The following PARP11 variants were observed in gnomAD, a reference collection of about 807,000 sequenced individuals.
PARP11 encodes protein mono-ADP-ribosyltransferase PARP11.
PARP11 carries 31 observed loss-of-function variants against 42.9 expected under a neutral mutation model. The observed-to-expected ratio is 0.72, with a 90% CI of 0.54 to 0.98. PARP11 has a LOEUF of 0.98. Among genes scored for constraint, PARP11 ranks in the 50% least tolerant of loss-of-function variants. The pLI is 0.00. For synonymous variants in PARP11, 137 were observed against 127.3 expected (o/e 1.08, Z -0.51); for missense variants, 365 against 413.1 (o/e 0.88, Z 1.01).
intron 1 of PARP11, among the ~76,000 whole-genome samples, chr12:3,847,144 G>A (rs1948019298): frequency 6.6e-6 from 1 of 152,006 alleles, no homozygotes; most frequent in African/African-American, 2.4e-5. Context: ...TTAAACCTAA[G>A]CAAACCAACA....
chr12:3,842,845 A>G (rs1183255642), intron 1 of PARP11, among the ~76,000 whole-genome samples: 4 of 152,250 alleles, frequency 2.6e-5, no homozygotes, highest in East Asian at 1.9e-4. Flanking sequence ...TTATAAGTTT[A>G]TAAGTCTGAT....
At chr12:3,851,980 C>T (rs1049146098) in intron 1 of PARP11, among the ~76,000 whole-genome samples, 8 of 152,174 alleles carry the variant, frequency 5.3e-5, no homozygotes, top group African/African-American at 1.2e-4. Context: ...CGCTGGGATA[C>T]CCAGGCAAAC....
At chr12:3,841,568 C>G in intron 1 of PARP11, 1 of 1,608,690 alleles carries the variant, frequency 6.2e-7, no homozygotes, top group Non-Finnish European at 8.5e-7. Flanking sequence ...ATCCCTCCAT[C>G]TCAGGTGTCT....
chr12:3,815,045 C>A (rs1022634504), intron 6 of PARP11: 6 of 456,456 alleles, frequency 1.3e-5, no homozygotes, highest in Non-Finnish European at 2.6e-5. Context: ...GTAAACACTT[C>A]ACCTGTATCT....
At chr12:3,866,148 ATGAGC>A (rs1948384799) in intron 1 of PARP11, among the ~76,000 whole-genome samples, 1 of 152,160 alleles carries the variant, frequency 6.6e-6, no homozygotes, top group African/African-American at 2.4e-5. Context: ...AGGATGTCTA[ATGAGC>A]TTCACATTAC....
intron 6 of PARP11, among the ~76,000 whole-genome samples, chr12:3,820,512 C>A (rs1231757835): frequency 6.6e-6 from 1 of 152,096 alleles, no homozygotes; most frequent in African/African-American, 2.4e-5. Context: ...TAAAACTGTT[C>A]CCATTGGAAT....
Position 3,827,930 on chromosome 12 carries a change from C to G in PARP11, c.268+980G>C, listed in dbSNP as rs541483878. Among the ~76,000 whole-genome samples the G allele has an allele frequency of 3.3e-4, 51 of 152,330 alleles. No individual in the cohort carries two copies. In the South Asian group the frequency reaches 3.7e-3, roughly 11 times the overall value. ...TACTTTTATTAAGAAAGCCTCCCAT[C>G]CAGGTCTTGTTTGCCTCTAAGCAAT... On this transcript the variant is annotated intron_variant, in intron 3 of 7. Transcript: ENST00000228820.
chr12:3,846,944 G>A (rs1380928894), intron 1 of PARP11, among the ~76,000 whole-genome samples: 1 of 151,858 alleles, frequency 6.6e-6, no homozygotes, highest in Non-Finnish European at 1.5e-5. Flanking sequence ...AATTAGCTGG[G>A]CACGTGCCTG....
At chr12:3,814,259 T>A in intron 6 of PARP11, 71 bp from the exon 7 acceptor site, 1 of 1,263,436 alleles carries the variant, frequency 7.9e-7, no homozygotes, top group Admixed American at 2.6e-5. Flanking sequence ...TTAATCTTAA[T>A]GAGCAAGGTT....
At chr12:3,831,905 G>T (rs894919621) in intron 1 of PARP11, among the ~76,000 whole-genome samples, 6 of 152,040 alleles carry the variant, frequency 3.9e-5, no homozygotes, top group African/African-American at 1.4e-4. Flanking sequence ...GTGAGAAAGA[G>T]AGAAGGAAAG....
At chr12:3,868,178 G>A (rs1473653709) in intron 1 of PARP11, among the ~76,000 whole-genome samples, 3 of 151,974 alleles carry the variant, frequency 2.0e-5, no homozygotes, top group Non-Finnish European at 4.4e-5. Context: ...GTTTTATTGG[G>A]GGCCAGGCAC....
chr12:3,867,542 A>G (rs1157817082), intron 1 of PARP11, among the ~76,000 whole-genome samples: 1 of 152,184 alleles, frequency 6.6e-6, no homozygotes, highest in Non-Finnish European at 1.5e-5. Flanking sequence ...GCGTGAACCT[A>G]CTACTTCAGG....
At chr12:3,868,570 A>AAGG (rs2138136659) in intron 1 of PARP11, among the ~76,000 whole-genome samples, 1 of 152,298 alleles carries the variant, frequency 6.6e-6, no homozygotes, top group South Asian at 2.1e-4. Flanking sequence ...GGCACATTAA[A>AAGG]CATAGTGAGT....
At chr12:3,836,316 T>C (rs1165582331) in intron 1 of PARP11, among the ~76,000 whole-genome samples, 1 of 150,228 alleles carries the variant, frequency 6.7e-6, no homozygotes, top group African/African-American at 2.5e-5. Context: ...ATTCTCAAAA[T>C]ACATAAAGTA....
At position 3,873,376 on chromosome 12, in the gene PARP11, G is replaced by A. The variant is rs1948531889; in HGVS notation, c.-147C>T. Reference sequence around the variant, plus strand: ...GAAGGCCTTCCTCCTCCCCCTCCCTGTCACAAGCCAGCGTTTACAGACCAC... The same window carrying A: ...GAAGGCCTTCCTCCTCCCCCTCCCTATCACAAGCCAGCGTTTACAGACCAC... On this transcript the variant is annotated 5_prime_UTR_variant, in exon 1 of 8. Transcript: ENST00000228820. The A allele has an allele frequency of 1.4e-6, 1 of 736,484 alleles. No homozygotes were observed. The highest frequency in any genetic ancestry group is 1.8e-5 in the African/African-American group (1 of 56,666). The allele number at this position is 736,484 out of a possible 1,614,324, so 45.6% of individuals were successfully genotyped here. A position where few individuals can be genotyped will look rare whatever the true frequency, so the allele number is the denominator to read the frequency against.
chr12:3,861,373 A>G lies in PARP11; in HGVS notation c.18+11839T>C, dbSNP rs377684940. On this transcript the variant is annotated intron_variant, in intron 1 of 7. Transcript: ENST00000228820. The surrounding 1 kb of genome is among the most constrained non-coding windows in gnomAD (Gnocchi z 4.6). Reference sequence around the variant, plus strand: ...TTAAGGCTTTTCTTAATATTTGCCAATCTGATAGATGGGCAGTATTGTGGT... The same window carrying G: ...TTAAGGCTTTTCTTAATATTTGCCAGTCTGATAGATGGGCAGTATTGTGGT... 7.2e-5 allele frequency among the ~76,000 whole-genome samples: 11 copies of G among 152,328 alleles called. No homozygotes were observed. The highest frequency in any genetic ancestry group is 5.8e-4 in the East Asian group (3 of 5,184).
intron 6 of PARP11, 51 bp downstream of exon 6, chr12:3,821,822 C>A (rs758085312): frequency 2.6e-6 from 4 of 1,536,052 alleles, no homozygotes; most frequent in Non-Finnish European, 3.5e-6. Context: ...TATGTTTTAA[C>A]CATAAAAGAC....
In PARP11 at chr12:3,840,425, C is replaced by G; in HGVS notation, c.19-10407G>C. 6.2e-7 allele frequency: 1 copy of G among 1,613,396 alleles called. No individual in the cohort carries two copies. Among genetic ancestry groups the G allele is most frequent in the Non-Finnish European group, 8.5e-7 (1 of 1,179,308 alleles). On this transcript the variant is annotated intron_variant, in intron 1 of 7. Transcript: ENST00000228820. The surrounding 1 kb of genome is among the most constrained non-coding windows in gnomAD (Gnocchi z 4.4). The stretch of plus-strand genomic sequence containing the variant: ...AGCAAGCCAATAAAAGCCCCATTAG[C>G]ACTACCTCCTCGACTGCAGCATCCT...
At chr12:3,832,212 T>C (rs753279827) in intron 1 of PARP11, 7 of 460,840 alleles carry the variant, frequency 1.5e-5, no homozygotes, top group Admixed American at 6.4e-5. Context: ...ACAGGTACCA[T>C]TGTATTGAAC....
Sources: allele counts gnomAD v4.1 joint callset (sites outside exome capture counted in the v4.1 genomes callset), GRCh38; gene constraint gnomAD v4.1.1; non-coding constraint Gnocchi (gnomAD v3.1); transcripts MANE v1.5; gene names NCBI Gene and HGNC (gene_info 2026-07-23, HGNC 2026-07-21).